The following MRLN variants were observed in gnomAD, a reference collection of about 807,000 sequenced individuals.
MRLN encodes the protein myoregulin, also known as Linc-RNA activator of myogenesis.
intron 1 of MRLN, among the ~76,000 whole-genome samples, chr10:59,742,869 C>G (rs1465067180): frequency 3.3e-5 from 5 of 152,094 alleles, no homozygotes; most frequent in Admixed American, 3.3e-4. Flanking sequence ...GCTGGGGCCA[C>G]AGGCACATGC....
chr10:59,739,326 A>G (rs1238532452), intron 1 of MRLN: 1 of 152,144 alleles, frequency 6.6e-6, no homozygotes, highest in African/African-American at 2.4e-5. Context: ...TACCCCACAG[A>G]TACAGTAACC....
chr10:59,747,284 G>A (rs1841052670), intron 1 of MRLN, among the ~76,000 whole-genome samples: 1 of 152,172 alleles, frequency 6.6e-6, no homozygotes, highest in Admixed American at 6.5e-5. Context: ...TGAGAGATGG[G>A]TCTAGAATCA....
intron 1 of MRLN, among the ~76,000 whole-genome samples, chr10:59,751,477 A>G (rs1365219637): frequency 6.6e-6 from 1 of 151,970 alleles, no homozygotes; most frequent in Non-Finnish European, 1.5e-5. Context: ...GCTGGGCAAC[A>G]TGGCAAAACC....
At chr10:59,742,077 C>T (rs1002075954) in intron 1 of MRLN, among the ~76,000 whole-genome samples, 1 of 152,194 alleles carries the variant, frequency 6.6e-6, no homozygotes, top group Non-Finnish European at 1.5e-5. Flanking sequence ...TATAACCACC[C>T]ATTACACTCC....
At chr10:59,740,361 C>CT (rs1241147170) in intron 1 of MRLN, among the ~76,000 whole-genome samples, 1 of 152,050 alleles carries the variant, frequency 6.6e-6, no homozygotes, top group Non-Finnish European at 1.5e-5. Context: ...TTGTCCTTAT[C>CT]TTTTTAAAAG....
At chr10:59,751,233 G>A (rs1289404844) in intron 1 of MRLN, among the ~76,000 whole-genome samples, 1 of 152,160 alleles carries the variant, frequency 6.6e-6, no homozygotes, top group Admixed American at 6.5e-5. Flanking sequence ...CACCTTTAGA[G>A]CAGAAATGAT....
rs116373224 is a variant in MRLN, at chr10:59,751,934, G to A, written c.-125+1420C>T. Among the ~76,000 whole-genome samples, 1,372 of 152,262 alleles carry A rather than the reference G, an allele frequency of 9.0e-3. 22 individuals carry two copies. Among genetic ancestry groups the A allele is most frequent in the African/African-American group, 0.031 (1,307 of 41,552 alleles). On this transcript the variant is annotated intron_variant, in intron 1 of 2. Transcript: ENST00000414264. ...ATCCAGACACACAGAATCTAATGTG[G>A]CAAGGGTGGAAACCAGTCTTTTGGA...
chr10:59,744,631 C>T (rs563803770), intron 1 of MRLN, among the ~76,000 whole-genome samples: 3 of 152,244 alleles, frequency 2.0e-5, no homozygotes, highest in South Asian at 4.2e-4. Flanking sequence ...TCATTGAAAA[C>T]GGGCCATGAT....
intron 1 of MRLN, among the ~76,000 whole-genome samples, chr10:59,752,404 T>C (rs1393267851): frequency 1.3e-5 from 2 of 152,198 alleles, no homozygotes; most frequent in African/African-American, 2.4e-5. Flanking sequence ...CACCACGTTG[T>C]AAAAGAGACT....
chr10:59,748,481 C>CAT (rs917083191), intron 1 of MRLN, among the ~76,000 whole-genome samples: 3 of 152,154 alleles, frequency 2.0e-5, no homozygotes, highest in Non-Finnish European at 4.4e-5. Context: ...TTAAATAATG[C>CAT]ATATGGCTGT....
chr10:59,749,132 T>C (rs1404198347), intron 1 of MRLN, among the ~76,000 whole-genome samples: 1 of 152,202 alleles, frequency 6.6e-6, no homozygotes, highest in Non-Finnish European at 1.5e-5. Context: ...GAGAGAGTAA[T>C]ATCTGTCTTG....
At chr10:59,742,882 C>T (rs1329019689) in intron 1 of MRLN, among the ~76,000 whole-genome samples, 1 of 152,064 alleles carries the variant, frequency 6.6e-6, no homozygotes, top group African/African-American at 2.4e-5. Context: ...GCACATGCAA[C>T]CACACCCAGG....
intron 1 of MRLN, among the ~76,000 whole-genome samples, chr10:59,743,847 G>T (rs1841010371): frequency 6.6e-6 from 1 of 152,140 alleles, no homozygotes; most frequent in African/African-American, 2.4e-5. Flanking sequence ...GTATTTTTTG[G>T]TGGAGACGGG....
chr10:59,740,177 A>G (rs573442074), intron 1 of MRLN, among the ~76,000 whole-genome samples: 1 of 152,240 alleles, frequency 6.6e-6, no homozygotes, highest in African/African-American at 2.4e-5. Context: ...AGCACAATGC[A>G]TTACTCATGT....
intron 1 of MRLN, among the ~76,000 whole-genome samples, chr10:59,745,456 G>C: frequency 6.6e-6 from 1 of 151,032 alleles, no homozygotes. Flanking sequence ...TTTTTTTTAT[G>C]TTGAAACTTC....
At chr10:59,749,704 CA>C (rs1384310474) in intron 1 of MRLN, among the ~76,000 whole-genome samples, 2 of 151,628 alleles carry the variant, frequency 1.3e-5, no homozygotes, top group East Asian at 1.9e-4. Context: ...AACAAGCAAA[CA>C]AAAAAAGTAA....
intron 1 of MRLN, among the ~76,000 whole-genome samples, chr10:59,745,857 C>A (rs1334944761): frequency 1.3e-5 from 2 of 151,742 alleles, no homozygotes; most frequent in African/African-American, 4.8e-5. Context: ...CTCCAGGGAC[C>A]ATAAGAACAA....
Position 59,738,528 on chromosome 10 carries a change from A to G in MRLN, c.-90T>C, listed in dbSNP as rs1177782083. The G allele has an allele frequency of 6.6e-6, 1 of 152,246 alleles. No homozygotes were observed. Among genetic ancestry groups the G allele is most frequent in the African/African-American group, 2.4e-5 (1 of 41,454 alleles). 9.4% of individuals were successfully genotyped at this position (152,246 alleles called of 1,614,324 possible). ...TTCTGCTCTTGCCAGAACAAAGTGT[A>G]TTCAGCACAGGTGGTCTCTTAGCAA... On this transcript the variant is annotated 5_prime_UTR_variant, in exon 2 of 3. Coordinates refer to ENST00000414264, the MANE Select transcript of MRLN (RefSeq NM_001304731.2).
At chr10:59,739,881 C>T (rs1028651303) in intron 1 of MRLN, among the ~76,000 whole-genome samples, 4 of 152,050 alleles carry the variant, frequency 2.6e-5, no homozygotes, top group African/African-American at 4.8e-5. Flanking sequence ...ATCACAAGGT[C>T]GGGAGTTCAA....
Sources: gnomAD v4.1 joint callset for allele counts (sites outside exome capture counted in the v4.1 genomes callset) on GRCh38, gnomAD v4.1.1 for gene constraint, MANE v1.5 for transcripts, NCBI Gene and HGNC (gene_info 2026-07-23, HGNC 2026-07-21) for gene names.